Variants in DSCAM observed in about 807,000 individuals in gnomAD.
DSCAM encodes cell adhesion molecule DSCAM.
In DSCAM, 47 loss-of-function variants were observed where a neutral mutation model predicts 217.7. The observed-to-expected ratio is 0.22, with a 90% CI of 0.17 to 0.28. The LOEUF is 0.28. DSCAM is among the 10% of genes least tolerant of loss of function. The pLI, the probability that DSCAM is intolerant of heterozygous loss-of-function variation, is 1.00. For missense variants in DSCAM, 2,080 were observed against 2,618.3 expected (o/e 0.79, Z 4.49); for synonymous variants, 1,056 against 1,015.3 (o/e 1.04, Z -0.76).
intron 20 of DSCAM, among the ~76,000 whole-genome samples, chr21:40,104,659 T>G (rs1289553696): frequency 6.6e-6 from 1 of 152,158 alleles, no homozygotes; most frequent in East Asian, 1.9e-4. Flanking sequence ...ACCTATAAAA[T>G]GTACAACCCC....
chr21:40,750,007 A>T (rs2091212569), intron 1 of DSCAM, among the ~76,000 whole-genome samples: 1 of 150,270 alleles, frequency 6.7e-6, no homozygotes, highest in South Asian at 2.1e-4. Context: ...AGCTCACTGG[A>T]TCCTCTACCT....
intron 2 of DSCAM, among the ~76,000 whole-genome samples, chr21:40,702,671 T>A (rs1318479145): frequency 9.0e-6 from 1 of 111,228 alleles, no homozygotes; most frequent in East Asian, 2.0e-4. Context: ...TGATATGTAT[T>A]TTTTTTTTAC....
intron 1 of DSCAM, among the ~76,000 whole-genome samples, chr21:40,804,946 T>C (rs2091772600): frequency 6.6e-6 from 1 of 152,098 alleles, no homozygotes; most frequent in African/African-American, 2.4e-5. Context: ...GCTTTCTCCT[T>C]CCCCACCCCC....
At chr21:40,640,626 G>A (rs2146340381) in intron 3 of DSCAM, among the ~76,000 whole-genome samples, 1 of 152,336 alleles carries the variant, frequency 6.6e-6, no homozygotes, top group South Asian at 2.1e-4. Flanking sequence ...GAGATTCTGG[G>A]ATGCTGGCGG....
At chr21:40,263,028 T>C (rs989523336) in intron 11 of DSCAM, among the ~76,000 whole-genome samples, 1 of 152,230 alleles carries the variant, frequency 6.6e-6, no homozygotes. Flanking sequence ...GCTTAGGCTA[T>C]ACAAATAAAA....
intron 3 of DSCAM, among the ~76,000 whole-genome samples, chr21:40,558,668 AATATT>A (rs1460163407): frequency 6.6e-6 from 1 of 152,210 alleles, no homozygotes; most frequent in Non-Finnish European, 1.5e-5. Flanking sequence ...CATCAATAAA[AATATT>A]AGATACACTT....
chr21:40,043,964 G>C (rs2088800496), intron 31 of DSCAM, 114 bp downstream of exon 31: 5 of 1,072,828 alleles, frequency 4.7e-6, no homozygotes, highest in Non-Finnish European at 6.8e-6. Context: ...ACCTTCAAAA[G>C]AACATAAGTA....
intron 3 of DSCAM, among the ~76,000 whole-genome samples, chr21:40,490,102 G>C (rs961359180): frequency 6.6e-6 from 1 of 152,124 alleles, no homozygotes; most frequent in Non-Finnish European, 1.5e-5. Flanking sequence ...GAGAGTGCGT[G>C]TGCAGGGGAA....
At chr21:40,607,608 C>T (rs554550685) in intron 3 of DSCAM, among the ~76,000 whole-genome samples, 7 of 151,994 alleles carry the variant, frequency 4.6e-5, no homozygotes, top group South Asian at 4.2e-4. Flanking sequence ...GAAACATGGG[C>T]GGGTGGGGGT....
intron 27 of DSCAM, among the ~76,000 whole-genome samples, chr21:40,065,398 C>T (rs1296735681): frequency 6.6e-6 from 1 of 151,982 alleles, no homozygotes; most frequent in South Asian, 2.1e-4. Context: ...TCATCTGGGA[C>T]ACACTTTTGT....
chr21:40,192,829 C>A (rs2090966287), intron 11 of DSCAM, among the ~76,000 whole-genome samples: 1 of 152,270 alleles, frequency 6.6e-6, no homozygotes, highest in East Asian at 1.9e-4. Context: ...CCCACTGATG[C>A]ACACTGGGGT....
At chr21:40,831,326 C>T (rs1000932002) in intron 1 of DSCAM, among the ~76,000 whole-genome samples, 6 of 152,200 alleles carry the variant, frequency 3.9e-5, no homozygotes, top group Admixed American at 2.0e-4. Context: ...CACAGGCACA[C>T]ACAGGCATAG....
intron 3 of DSCAM, among the ~76,000 whole-genome samples, chr21:40,507,006 C>T (rs1568861268): frequency 1.3e-5 from 2 of 152,204 alleles, no homozygotes; most frequent in Admixed American, 6.5e-5. Flanking sequence ...TGGCCAGGCC[C>T]AGCGGCTCAC....
intron 3 of DSCAM, among the ~76,000 whole-genome samples, chr21:40,398,211 C>A (rs925699531): frequency 6.6e-6 from 1 of 152,178 alleles, no homozygotes; most frequent in Non-Finnish European, 1.5e-5. Context: ...CACTTTGATT[C>A]AGACATTTTA....
chr21:40,113,239 G>C (rs965951998), intron 20 of DSCAM, among the ~76,000 whole-genome samples: 2 of 152,164 alleles, frequency 1.3e-5, no homozygotes, highest in African/African-American at 4.8e-5. Flanking sequence ...TCATCCCTGG[G>C]ATGCAAGGCT....
chr21:40,062,952 C>A, intron 27 of DSCAM, 53 bp from the exon 28 acceptor site: 1 of 1,510,474 alleles, frequency 6.6e-7, no homozygotes, highest in South Asian at 1.3e-5. Context: ...TTAACATTCA[C>A]TTAGGCATTT....
intron 27 of DSCAM, among the ~76,000 whole-genome samples, chr21:40,071,979 C>T (rs368032109): frequency 1.7e-4 from 26 of 152,302 alleles, no homozygotes; most frequent in Middle Eastern, 3.4e-3. Flanking sequence ...GACCTTTCAT[C>T]GATTCCCCTT....
chr21:40,277,403 T>C (rs1472419970), intron 10 of DSCAM, among the ~76,000 whole-genome samples: 3 of 152,122 alleles, frequency 2.0e-5, no homozygotes, highest in Admixed American at 6.5e-5. Flanking sequence ...AACTTGTGTA[T>C]TGGTCTCACT....
At chr21:40,266,410 A>T (rs1569031713) in intron 11 of DSCAM, among the ~76,000 whole-genome samples, 1 of 152,016 alleles carries the variant, frequency 6.6e-6, no homozygotes, top group Non-Finnish European at 1.5e-5. Context: ...TGGGAATGTA[A>T]ATTAGCACAA....
Sources: allele counts gnomAD v4.1 joint callset (sites outside exome capture counted in the v4.1 genomes callset), GRCh38; gene constraint gnomAD v4.1.1; transcripts MANE v1.5; gene names NCBI Gene and HGNC (gene_info 2026-07-23, HGNC 2026-07-21).